NAALADL2: variants seen among roughly 807,000 people sequenced by gnomAD.
NAALADL2 encodes the protein inactive N-acetylated-alpha-linked acidic dipeptidase-like protein 2.
In NAALADL2, 76 loss-of-function variants were observed where a neutral mutation model predicts 87.2. The ratio of observed to expected loss-of-function variants is 0.87; its 90% CI spans 0.72 to 1.05. The LOEUF (loss-of-function observed/expected upper bound fraction) is 1.05. Among genes scored for constraint, NAALADL2 ranks in the 50% least tolerant of loss-of-function variants. NAALADL2 has a pLI of 0.00. For missense variants in NAALADL2, 1,089 were observed against 945.8 expected (o/e 1.15, Z -1.99); for synonymous variants, 354 against 331.0 (o/e 1.07, Z -0.75).
intron 5 of NAALADL2, among the ~76,000 whole-genome samples, chr3:175,446,417 C>T (rs1223762228): frequency 6.6e-6 from 1 of 151,982 alleles, no homozygotes; most frequent in Non-Finnish European, 1.5e-5. Context: ...AATTTTTATA[C>T]TTTTATTATG....
At chr3:175,619,273 G>GGAGAAGGAAA (rs1553933971) in intron 10 of NAALADL2, among the ~76,000 whole-genome samples, 9,871 of 133,038 alleles carry the variant, frequency 0.074, 402 homozygotes, top group Non-Finnish European at 0.089. Context: ...GGAAGGAGAA[G>GGAGAAGGAAA]GAAAGAAAGA....
intron 11 of NAALADL2, among the ~76,000 whole-genome samples, chr3:175,659,096 G>A (rs533843283): frequency 6.6e-6 from 1 of 152,158 alleles, no homozygotes; most frequent in Non-Finnish European, 1.5e-5. Flanking sequence ...CAAAATATTT[G>A]TTGCTTTGTC....
At chr3:175,277,647 T>C (rs191676140) in intron 4 of NAALADL2, among the ~76,000 whole-genome samples, 2 of 152,302 alleles carry the variant, frequency 1.3e-5, no homozygotes, top group South Asian at 2.1e-4. Context: ...TTCAATGGAT[T>C]TTTTTCATCA....
At chr3:175,546,268 T>A (rs1437438502) in intron 9 of NAALADL2, among the ~76,000 whole-genome samples, 2 of 152,154 alleles carry the variant, frequency 1.3e-5, no homozygotes, top group Non-Finnish European at 2.9e-5. Context: ...CCCTTTATTT[T>A]GAGCATATGT....
At chr3:175,589,594 C>T (rs1296972890) in intron 10 of NAALADL2, among the ~76,000 whole-genome samples, 1 of 151,496 alleles carries the variant, frequency 6.6e-6, no homozygotes, top group Non-Finnish European at 1.5e-5. Context: ...CGTAAACATA[C>T]CATTACATAG....
At chr3:175,484,872 G>C (rs1217471995) in intron 9 of NAALADL2, among the ~76,000 whole-genome samples, 1 of 152,116 alleles carries the variant, frequency 6.6e-6, no homozygotes, top group African/African-American at 2.4e-5. Context: ...TAAGACAACA[G>C]AACTGTTACT....
At chr3:174,715,503 T>C (rs892771110) in intron 2 of NAALADL2, among the ~76,000 whole-genome samples, 2 of 152,180 alleles carry the variant, frequency 1.3e-5, no homozygotes, top group Non-Finnish European at 2.9e-5. Flanking sequence ...TTGAGAAGCC[T>C]GTTTAAATAT....
chr3:175,390,298 A>C (rs1406139635), intron 5 of NAALADL2, among the ~76,000 whole-genome samples: 2 of 152,186 alleles, frequency 1.3e-5, no homozygotes, highest in Admixed American at 6.6e-5. Flanking sequence ...TTAGATATAA[A>C]GATTTCTTCA....
At chr3:175,551,815 G>A (rs185612152) in intron 9 of NAALADL2, among the ~76,000 whole-genome samples, 2,316 of 151,504 alleles carry the variant, frequency 0.015, 21 homozygotes, top group Middle Eastern at 0.037. Flanking sequence ...GGAGAATGGC[G>A]TGAACCTGGG....
At chr3:174,971,275 A>G (rs1560426712) in intron 1 of NAALADL2, among the ~76,000 whole-genome samples, 1 of 152,238 alleles carries the variant, frequency 6.6e-6, no homozygotes, top group Non-Finnish European at 1.5e-5. Flanking sequence ...CTGTTTTCCA[A>G]GAGATCACAG....
At chr3:175,494,166 A>G (rs1162368283) in intron 9 of NAALADL2, among the ~76,000 whole-genome samples, 2 of 152,014 alleles carry the variant, frequency 1.3e-5, no homozygotes, top group East Asian at 1.9e-4. Flanking sequence ...CTTCTCATAA[A>G]CCTTTTACAT....
At chr3:174,510,369 AG>A (rs1719520775) in intron 1 of NAALADL2, among the ~76,000 whole-genome samples, 1 of 152,114 alleles carries the variant, frequency 6.6e-6, no homozygotes, top group South Asian at 2.1e-4. Context: ...AGGCTATGAT[AG>A]GCTTGAAATT....
chr3:175,194,768 G>T (rs1738727508), intron 2 of NAALADL2, among the ~76,000 whole-genome samples: 1 of 151,528 alleles, frequency 6.6e-6, no homozygotes. Context: ...ATCTTGTTTT[G>T]TTCAAGTTAT....
chr3:175,165,017 T>C (rs1733779693), intron 2 of NAALADL2, among the ~76,000 whole-genome samples: 1 of 152,138 alleles, frequency 6.6e-6, no homozygotes, highest in Non-Finnish European at 1.5e-5. Context: ...TGCACACCGC[T>C]CTGGGCCATG....
chr3:175,359,298 CT>C lies in NAALADL2; in HGVS notation c.1090+34980del, dbSNP rs566247735. Among the ~76,000 whole-genome samples, 276 of 152,068 alleles carry C rather than the reference CT, an allele frequency of 1.8e-3. 1 individual carries two copies. The highest frequency in any genetic ancestry group is 5.9e-3 in the African/African-American group (244 of 41,484). On this transcript the variant is annotated intron_variant, in intron 5 of 13. Transcript: ENST00000454872. The stretch of plus-strand genomic sequence containing the variant: ...CTAATCACCTTGAGGGAGCATTACA[CT>C]TTTTTTGCAAAGGACAAATACCACT...
At chr3:175,618,765 C>T (rs144280559) in intron 10 of NAALADL2, among the ~76,000 whole-genome samples, 8 of 152,166 alleles carry the variant, frequency 5.3e-5, no homozygotes, top group East Asian at 1.9e-4. Context: ...AATGTGAGTG[C>T]GAATTCCACC....
intron 6 of NAALADL2, among the ~76,000 whole-genome samples, chr3:175,461,038 A>C (rs1332443438): frequency 6.6e-6 from 1 of 152,094 alleles, no homozygotes; most frequent in Non-Finnish European, 1.5e-5. Flanking sequence ...TGACTGGTCC[A>C]TTTTGCAGAG....
In NAALADL2 at chr3:175,020,059, G is replaced by A. The variant is rs149903643; in HGVS notation, c.44-76731G>A. 2.0e-5 allele frequency among the ~76,000 whole-genome samples: 3 copies of A among 152,162 alleles called. No homozygotes were observed. In the East Asian group the frequency reaches 5.8e-4, roughly 30 times the overall value. ...ATAATAAGCACACAATTAACAAACA[G>A]GAGCAAATGAATTAATGAATATTGG... is the stretch of plus-strand genomic sequence containing the variant. On this transcript the variant is annotated intron_variant, in intron 1 of 13. Coordinates refer to ENST00000454872, the MANE Select transcript of NAALADL2 (RefSeq NM_207015.3).
At chr3:174,904,768 T>G (rs1255281735) in intron 1 of NAALADL2, among the ~76,000 whole-genome samples, 1 of 151,862 alleles carries the variant, frequency 6.6e-6, no homozygotes, top group Non-Finnish European at 1.5e-5. Context: ...TCTTTATAGC[T>G]TGAGGCAATA....
Sources: gnomAD v4.1 joint callset for allele counts (sites outside exome capture counted in the v4.1 genomes callset) on GRCh38, gnomAD v4.1.1 for gene constraint, MANE v1.5 for transcripts, NCBI Gene and HGNC (gene_info 2026-07-23, HGNC 2026-07-21) for gene names.